Variants in PDE7A observed in about 807,000 individuals in gnomAD.
PDE7A encodes phosphodiesterase 7A, also known as high affinity 3',5'-cyclic-AMP phosphodiesterase 7A.
Under a neutral mutation model 64.3 loss-of-function variants are expected in PDE7A, and 39 were observed. The ratio of observed to expected loss-of-function variants is 0.61; its 90% CI spans 0.47 to 0.79. The LOEUF is 0.79. Ranked by LOEUF, PDE7A falls within the 30% of genes least tolerant of loss-of-function variation. The probability of loss-of-function intolerance (pLI) is 0.00; values close to 1 mark genes in which losing one functional copy is unlikely to be tolerated. For missense variants in PDE7A, 470 were observed against 582.8 expected, an observed-to-expected ratio of 0.81 and a Z score of 1.99; for synonymous variants, 203 against 206.8, an observed-to-expected ratio of 0.98 and a Z score of 0.16.
At chr8:65,755,284 G>A (rs1808171828) in intron 3 of PDE7A, among the ~76,000 whole-genome samples, 1 of 152,016 alleles carries the variant, frequency 6.6e-6, no homozygotes, top group African/African-American at 2.4e-5. Flanking sequence ...GCCTCCCAAA[G>A]TGCTGGGATT....
intron 3 of PDE7A, among the ~76,000 whole-genome samples, 162 bp from the exon 4 acceptor site, chr8:65,747,965 T>C (rs1807760538): frequency 6.6e-6 from 1 of 152,152 alleles, no homozygotes; most frequent in African/African-American, 2.4e-5. Context: ...TATTTTATTT[T>C]ATTTTTTTAA....
At chr8:65,737,435 T>A (rs1026761848) in intron 6 of PDE7A, among the ~76,000 whole-genome samples, 4 of 152,208 alleles carry the variant, frequency 2.6e-5, no homozygotes, top group African/African-American at 9.7e-5. Context: ...CAAAATTGTA[T>A]CTGTAGAGTC....
At chr8:65,743,232 A>T (rs1326574118) in intron 5 of PDE7A, among the ~76,000 whole-genome samples, 2 of 152,186 alleles carry the variant, frequency 1.3e-5, no homozygotes, top group Non-Finnish European at 2.9e-5. Context: ...TAAGTTAGGA[A>T]AGGGGAATTT....
intron 3 of PDE7A, among the ~76,000 whole-genome samples, chr8:65,769,258 A>AG (rs1808955580): frequency 6.6e-6 from 1 of 151,904 alleles, no homozygotes; most frequent in Non-Finnish European, 1.5e-5. Flanking sequence ...AAAAAAAAAA[A>AG]AAAAAAAAAA....
rs1436018013 is a variant in PDE7A, at chr8:65,715,875, C to T, written c.*3415G>A. Among the ~76,000 whole-genome samples, 10 of 149,978 alleles carry T rather than the reference C, an allele frequency of 6.7e-5. No individual in the cohort carries two copies. Among genetic ancestry groups the T allele is most frequent in the East Asian group, 2.0e-4 (1 of 4,986 alleles). Reference sequence around the variant, plus strand: ...TGGTGGCGGGCGCCTGTAGTCCCAGCGACCTGGGAGACTGAGGCAGGAGAA... The same window carrying T: ...TGGTGGCGGGCGCCTGTAGTCCCAGTGACCTGGGAGACTGAGGCAGGAGAA... On this transcript the variant is annotated 3_prime_UTR_variant, in exon 13 of 13. Transcript: ENST00000401827.
intron 1 of PDE7A, among the ~76,000 whole-genome samples, chr8:65,797,759 T>A (rs775464604): frequency 1.3e-5 from 2 of 152,054 alleles, no homozygotes; most frequent in Non-Finnish European, 2.9e-5. Flanking sequence ...AAGTATAGTC[T>A]TTTCAATACA....
At chr8:65,826,649 C>A (rs1372425167) in intron 1 of PDE7A, among the ~76,000 whole-genome samples, 1 of 152,138 alleles carries the variant, frequency 6.6e-6, no homozygotes, top group Non-Finnish European at 1.5e-5. Flanking sequence ...TGTAAGTGCT[C>A]AGTAAATTTG....
chr8:65,836,561 A>G (rs1478542209), intron 1 of PDE7A, among the ~76,000 whole-genome samples: 3 of 152,226 alleles, frequency 2.0e-5, no homozygotes, highest in African/African-American at 7.2e-5. Context: ...GACTTTATCA[A>G]GCATGCATGA....
rs1012831189 is a variant in PDE7A, at chr8:65,745,488, C to T, written c.436-18G>A. The T allele has an allele frequency of 5.1e-6, 7 of 1,380,994 alleles. No individual in the cohort carries two copies. The highest frequency in any genetic ancestry group is 7.2e-6 in the Non-Finnish European group (7 of 968,276). The allele number at this position is 1,380,994 out of a possible 1,614,324, so 85.5% of individuals were successfully genotyped here. ...AGCATACACTGAAATGAAAACCAAA[C>T]ATTTCTACTGTAATTTAATTTCAAT... On this transcript the variant is annotated intron_variant, in intron 4 of 12. Coordinates refer to ENST00000401827, the MANE Select transcript of PDE7A (RefSeq NM_001242318.3).
intron 3 of PDE7A, among the ~76,000 whole-genome samples, chr8:65,774,728 T>G (rs867812483): frequency 4.6e-5 from 7 of 151,946 alleles, no homozygotes; most frequent in African/African-American, 1.4e-4. Flanking sequence ...AAAAATTTAT[T>G]ACTATAAACC....
In PDE7A at chr8:65,717,253, C is replaced by T. The variant is rs758704020; in HGVS notation, c.*2037G>A. ...TTGATTTAGAAGTTTGCACCATATC[C>T]CTTCTAATGAGTTGGACCTGGGAAG... is the stretch of plus-strand genomic sequence containing the variant. On this transcript the variant is annotated 3_prime_UTR_variant, in exon 13 of 13. Coordinates refer to ENST00000401827, the MANE Select transcript of PDE7A (RefSeq NM_001242318.3). 6.6e-6 allele frequency among the ~76,000 whole-genome samples: 1 copy of T among 152,142 alleles called. No homozygotes were observed. The highest frequency in any genetic ancestry group is 1.5e-5 in the Non-Finnish European group (1 of 68,036).
chr8:65,807,035 C>T (rs1295207601), intron 1 of PDE7A, among the ~76,000 whole-genome samples: 2 of 152,130 alleles, frequency 1.3e-5, no homozygotes, highest in Non-Finnish European at 2.9e-5. Context: ...CTTGCAATTC[C>T]ATATATTTTT....
chr8:65,816,347 T>A (rs1047075343), intron 1 of PDE7A, among the ~76,000 whole-genome samples: 7 of 152,206 alleles, frequency 4.6e-5, no homozygotes, highest in African/African-American at 1.7e-4. Flanking sequence ...GATACTAAAT[T>A]TGTTTTTTAG....
intron 7 of PDE7A, chr8:65,731,531 A>G (rs761517882): frequency 6.6e-6 from 1 of 152,238 alleles, no homozygotes; most frequent in Admixed American, 6.5e-5. Context: ...GAAAATCACA[A>G]TCTCTTCAGC....
rs1336216891 is a variant in PDE7A at position 65,719,264 on chromosome 8, G to A, written c.*26C>T. The A allele has an allele frequency of 6.5e-7, 1 of 1,527,922 alleles. No individual in the cohort carries two copies. Among genetic ancestry groups the A allele is most frequent in the Non-Finnish European group, 9.1e-7 (1 of 1,101,528 alleles). 94.6% of individuals were successfully genotyped at this position (1,527,922 alleles called of 1,614,324 possible). ...TCACATTTCTAAAAACCTCCAGGAG[G>A]CAGTTTGTCCCACTGGTTCTGGGGG... On this transcript the variant is annotated 3_prime_UTR_variant, in exon 13 of 13. Coordinates refer to ENST00000401827, the MANE Select transcript of PDE7A (RefSeq NM_001242318.3).
chr8:65,775,714 G>A (rs772352635), intron 3 of PDE7A, among the ~76,000 whole-genome samples: 33 of 152,118 alleles, frequency 2.2e-4, no homozygotes, highest in Non-Finnish European at 4.6e-4. Context: ...TGCAACCTCC[G>A]CCTCCCAGGT....
intron 3 of PDE7A, among the ~76,000 whole-genome samples, chr8:65,765,040 A>G (rs1053586691): frequency 5.3e-5 from 8 of 152,244 alleles, no homozygotes; most frequent in African/African-American, 1.9e-4. Flanking sequence ...AGTCTCTACT[A>G]TGAGCCAGAA....
intron 7 of PDE7A, chr8:65,727,928 C>T (rs117545791): frequency 3.9e-5 from 6 of 152,178 alleles, no homozygotes; most frequent in African/African-American, 1.4e-4. Context: ...TGTAACTTTA[C>T]TCTCAATAAT....
At chr8:65,795,774 C>A (rs1475077963) in intron 1 of PDE7A, among the ~76,000 whole-genome samples, 1 of 151,840 alleles carries the variant, frequency 6.6e-6, no homozygotes, top group Non-Finnish European at 1.5e-5. Context: ...GATGACAAAT[C>A]AAAAATTACA....
Sources: allele counts gnomAD v4.1 joint callset (sites outside exome capture counted in the v4.1 genomes callset), GRCh38; gene constraint gnomAD v4.1.1; transcripts MANE v1.5; gene names NCBI Gene and HGNC (gene_info 2026-07-23, HGNC 2026-07-21).